The following EP400 variants were observed in gnomAD, a reference collection of about 807,000 sequenced individuals.
The protein encoded by EP400 is E1A binding protein p400.
In EP400, 105 loss-of-function variants were observed where a neutral mutation model predicts 354.1. That is an observed-to-expected ratio of 0.30 (90% CI 0.25 to 0.35). The LOEUF is 0.35. Among genes scored for constraint, EP400 ranks in the 10% least tolerant of loss-of-function variants. The pLI, the probability that EP400 is intolerant of heterozygous loss-of-function variation, is 1.00. For missense variants in EP400, 3,280 were observed against 4,121.0 expected, an observed-to-expected ratio of 0.80 and a Z score of 5.59; for synonymous variants, 1,646 against 1,716.9, an observed-to-expected ratio of 0.96 and a Z score of 1.02.
At chr12:132,073,277 T>C (rs1461521358) in intron 51 of EP400, among the ~76,000 whole-genome samples, 1 of 150,230 alleles carries the variant, frequency 6.7e-6, no homozygotes, top group African/African-American at 2.5e-5. Context: ...TGAAAAATTA[T>C]ATATTTTCTT....
At chr12:131,954,726 G>GA (rs35935376) in intron 1 of EP400, among the ~76,000 whole-genome samples, 68,628 of 83,540 alleles carry the variant, frequency 0.82, 29,758 homozygotes, top group Non-Finnish European at 0.94. Context: ...CTCCATCTCA[G>GA]AAAAAAAAAA....
In EP400 at chr12:132,013,130, T is replaced by G; in HGVS notation, c.3563T>G (p.Val1188Gly). The change falls in exon 17 of 53, where the codon GTG becomes GGG. Residue 1188 changes from valine (V) to glycine (G), a missense_variant. Val to Gly is a moderately radical substitution (Grantham distance 109). Coordinates refer to ENST00000389561, the MANE Select transcript of EP400 (RefSeq NM_015409.5). The surrounding 1 kb of genome is among the most constrained non-coding windows in gnomAD (Gnocchi z 4.5). ...CTGGTCATTGATGAGATGCAGCGCG[T>G]GAAGGGCATGACCGAGAGGCACTGG... ...KCLVIDEMQR[V>G]KGMTERHWEA... is the part of the protein sequence containing the mutation. 6.2e-7 allele frequency: 1 copy of G among 1,614,158 alleles called. No individual in the cohort carries two copies. The highest frequency in any genetic ancestry group is 8.5e-7 in the Non-Finnish European group (1 of 1,180,012).
intron 19 of EP400, among the ~76,000 whole-genome samples, chr12:132,015,077 G>A (rs905688428): frequency 2.0e-5 from 3 of 152,224 alleles, no homozygotes; most frequent in Non-Finnish European, 4.4e-5. Flanking sequence ...CTGTGCATGC[G>A]CATGTGGAGC....
intron 24 of EP400, 139 bp downstream of exon 24, chr12:132,024,080 G>C: frequency 1.0e-6 from 1 of 957,598 alleles, no homozygotes. Context: ...CACCTCATGG[G>C]TTCATGGAAG....
At chr12:131,966,050 A>AG (rs1185212897) in intron 2 of EP400, among the ~76,000 whole-genome samples, 3 of 152,126 alleles carry the variant, frequency 2.0e-5, no homozygotes, top group African/African-American at 7.2e-5. Context: ...AAAAAAAAAA[A>AG]AAAGAAAAAC....
At chr12:131,972,212 G>A (rs542401941) in intron 2 of EP400, among the ~76,000 whole-genome samples, 1 of 151,298 alleles carries the variant, frequency 6.6e-6, no homozygotes, top group African/African-American at 2.4e-5. Flanking sequence ...GAGTGCAGTG[G>A]CGCGATCTCG....
chr12:131,977,972 A>G (rs1408170085), intron 2 of EP400, among the ~76,000 whole-genome samples: 1 of 152,218 alleles, frequency 6.6e-6, no homozygotes, highest in Non-Finnish European at 1.5e-5. Context: ...CTCACTAAGT[A>G]GAGTGAATAT....
At chr12:132,026,720 C>T (rs1044038361) in intron 25 of EP400, among the ~76,000 whole-genome samples, 1 of 152,168 alleles carries the variant, frequency 6.6e-6, no homozygotes, top group Admixed American at 6.5e-5. Flanking sequence ...GAGTCCTGGA[C>T]CCTGAGGGTC....
chr12:132,058,507 G>A (rs770972915), intron 45 of EP400, among the ~76,000 whole-genome samples: 4 of 149,822 alleles, frequency 2.7e-5, no homozygotes, highest in Non-Finnish European at 4.4e-5. Context: ...GCCCGCCACC[G>A]TACCTGGCTA....
Position 132,079,292 on chromosome 12 carries a change from TTTAG to T in EP400, c.*1626_*1629del, listed in dbSNP as rs1278817772. 6.6e-6 allele frequency: 1 copy of T among 152,260 alleles called. No homozygotes were observed. The highest frequency in any genetic ancestry group is 1.5e-5 in the Non-Finnish European group (1 of 68,034). The allele number at this position is 152,260 out of a possible 1,614,324, so 9.4% of individuals were successfully genotyped here. On this transcript the variant is annotated 3_prime_UTR_variant, in exon 53 of 53. Coordinates refer to ENST00000389561, the MANE Select transcript of EP400 (RefSeq NM_015409.5). Reference sequence around the variant, plus strand: ...TTGAAGAAACAGAAGAAATTAATCTTTTAGTTAGTTGAACATACCAAAGCAGAGG... The same window carrying T: ...TTGAAGAAACAGAAGAAATTAATCTTTTAGTTGAACATACCAAAGCAGAGG...
intron 32 of EP400, among the ~76,000 whole-genome samples, chr12:132,039,562 C>T (rs948641925): frequency 7.2e-5 from 11 of 152,218 alleles, no homozygotes; most frequent in African/African-American, 2.7e-4. Context: ...AAGCCAGTCT[C>T]CTGCCCTGCC....
Position 132,045,462 on chromosome 12 carries a change from C to G in EP400, c.6928C>G (p.Pro2310Ala). The G allele has an allele frequency of 6.2e-7, 1 of 1,614,204 alleles. No individual in the cohort carries two copies. Among genetic ancestry groups the G allele is most frequent in the Non-Finnish European group, 8.5e-7 (1 of 1,180,032 alleles). ...GAATATTCTGCTGAAGCAGCAGGTGCCATTCGCCAAGCCCCTGCCAACTTT... is the reference window on the plus strand; with the variant it reads ...GAATATTCTGCTGAAGCAGCAGGTGGCATTCGCCAAGCCCCTGCCAACTTT... The part of the protein sequence containing the change: ...KKNILLKQQV[P>A]FAKPLPTFAK... Residue 2310 changes from proline (P) to alanine (A), a missense_variant, in exon 38 of 53, where the codon CCA becomes GCA. Physicochemically the swap from Pro to Ala is conservative, Grantham distance 27 (BLOSUM62 -1). Around this residue, in one of 20 missense-constraint regions of EP400, gnomAD observed 231 missense variants for 257.9 expected, o/e 0.90. Transcript: ENST00000389561.
intron 2 of EP400, 125 bp from the exon 3 acceptor site, chr12:131,979,569 G>T (rs908181197): frequency 4.2e-6 from 3 of 710,044 alleles, no homozygotes; most frequent in Non-Finnish European, 4.5e-6. Context: ...AAAGACACGG[G>T]GTAGATAACA....
At position 132,064,733 on chromosome 12, in the gene EP400, C is replaced by T. The variant is rs146528122; in HGVS notation, c.8400C>T (p.Ala2800=). The change falls in exon 48 of 53, where the codon GCC becomes GCT. Residue 2800 remains alanine (A), a synonymous_variant. Transcript: ENST00000389561. The part of the protein sequence containing the change: ...QMPPQPPPPQ[A]QSAPPQPTAQ... ...CCCCGCAGCCCCCACCGCCACAGGC[C>T]CAGTCTGCGCCCCCGCAGCCAACAG... The T allele has an allele frequency of 5.7e-5, 92 of 1,613,560 alleles. No individual in the cohort carries two copies. Among genetic ancestry groups the T allele is most frequent in the Non-Finnish European group, 7.4e-5 (87 of 1,179,914 alleles).
intron 39 of EP400, among the ~76,000 whole-genome samples, chr12:132,049,328 C>G (rs952460152): frequency 6.6e-6 from 1 of 152,244 alleles, no homozygotes; most frequent in Non-Finnish European, 1.5e-5. Context: ...CTCCCTGCTT[C>G]CCTTTGCTTA....
intron 51 of EP400, among the ~76,000 whole-genome samples, chr12:132,073,625 T>C (rs1174310822): frequency 6.6e-6 from 1 of 151,764 alleles, no homozygotes; most frequent in Non-Finnish European, 1.5e-5. Flanking sequence ...AGCTAATTTT[T>C]GTATTTTTAG....
In EP400 at chr12:132,020,599, G is replaced by A. The variant is rs138549178; in HGVS notation, c.4447+381G>A. On this transcript the variant is annotated intron_variant, in intron 22 of 52. Transcript: ENST00000389561. ...AATTATTCTTTTGAGGAAGGGTAGAGTAGAAAAGGCCATCAAAAGAGTTAA... is the reference window on the plus strand; with the variant it reads ...AATTATTCTTTTGAGGAAGGGTAGAATAGAAAAGGCCATCAAAAGAGTTAA... Among the ~76,000 whole-genome samples the A allele has an allele frequency of 7.9e-5, 12 of 152,322 alleles. No individual in the cohort carries two copies. The East Asian group carries it at 2.3e-3, about 29-fold the overall frequency.
intron 41 of EP400, among the ~76,000 whole-genome samples, chr12:132,051,471 G>A (rs942304026): frequency 7.2e-5 from 11 of 152,194 alleles, no homozygotes; most frequent in Admixed American, 4.6e-4. Context: ...CAAGGAGTGT[G>A]AGCCATCTCC....
In EP400 at chr12:132,025,139, C is replaced by T. The variant is rs1260059100; in HGVS notation, c.4856-507C>T. The stretch of plus-strand genomic sequence containing the variant: ...GTCGCTTGGTAACATCTCTGATGGC[C>T]GCCGGTTTATTCATAGAGATGACCT... On this transcript the variant is annotated intron_variant, in intron 24 of 52. Coordinates refer to ENST00000389561, the MANE Select transcript of EP400 (RefSeq NM_015409.5). The surrounding 1 kb of genome is among the most constrained non-coding windows in gnomAD (Gnocchi z 4.1). Among the ~76,000 whole-genome samples the T allele has an allele frequency of 1.3e-5, 2 of 151,960 alleles. No homozygotes were observed. Among genetic ancestry groups the T allele is most frequent in the Admixed American group, 6.6e-5 (1 of 15,252 alleles).
Sources: allele counts gnomAD v4.1 joint callset (sites outside exome capture counted in the v4.1 genomes callset), GRCh38; gene constraint gnomAD v4.1.1; regional missense constraint gnomAD v4.1.1; non-coding constraint Gnocchi (gnomAD v3.1); transcripts MANE v1.5; gene names NCBI Gene and HGNC (gene_info 2026-07-23, HGNC 2026-07-21).